KAZN: variants seen among roughly 807,000 people sequenced by gnomAD.
KAZN encodes the protein kazrin, periplakin interacting protein.
Under a neutral mutation model 87.4 loss-of-function variants are expected in KAZN, and 40 were observed. That is an observed-to-expected ratio of 0.46 (90% CI 0.36 to 0.60). KAZN has a LOEUF of 0.60. Ranked by LOEUF, KAZN falls within the 20% of genes least tolerant of loss-of-function variation. The pLI, the probability that KAZN is intolerant of heterozygous loss-of-function variation, is 0.00. For missense variants in KAZN, 898 were observed against 1,073.9 expected, an observed-to-expected ratio of 0.84 and a Z score of 2.29; for synonymous variants, 466 against 458.3, an observed-to-expected ratio of 1.02 and a Z score of -0.22.
At chr1:14,958,107 G>T (rs1374075360) in intron 1 of KAZN, among the ~76,000 whole-genome samples, 4 of 152,200 alleles carry the variant, frequency 2.6e-5, no homozygotes, top group Non-Finnish European at 5.9e-5. Context: ...CCCTCTGCCT[G>T]CTCCCTCCCC....
At chr1:14,324,141 C>T (rs1656241250) in intron 2 of KAZN, among the ~76,000 whole-genome samples, 1 of 152,142 alleles carries the variant, frequency 6.6e-6, no homozygotes, top group African/African-American at 2.4e-5. Flanking sequence ...CCCACTGTAA[C>T]CACAGGTGAC....
intron 1 of KAZN, among the ~76,000 whole-genome samples, chr1:13,931,014 A>G (rs1640490508): frequency 6.6e-6 from 1 of 152,132 alleles, no homozygotes; most frequent in Non-Finnish European, 1.5e-5. Context: ...AGTCTGTCTT[A>G]TGTGTCTGGA....
chr1:14,389,072 T>C (rs930929370), intron 2 of KAZN, among the ~76,000 whole-genome samples: 1 of 152,120 alleles, frequency 6.6e-6, no homozygotes, highest in Admixed American at 6.5e-5. Context: ...AAAGAAGACA[T>C]ACAAATGGCA....
chr1:14,777,166 T>G (rs55844168), intron 1 of KAZN, among the ~76,000 whole-genome samples: 95,664 of 149,518 alleles, frequency 0.64, 30,992 homozygotes, highest in South Asian at 0.79. Flanking sequence ...TTTTTTTTTT[T>G]TTTGTATTTT....
chr1:14,577,854 G>A (rs1190742373), intron 2 of KAZN, among the ~76,000 whole-genome samples: 3 of 152,132 alleles, frequency 2.0e-5, no homozygotes, highest in Non-Finnish European at 4.4e-5. Flanking sequence ...CCATTTCACA[G>A]ATGAGAAAAT....
At chr1:14,577,374 T>A (rs1373670403) in intron 2 of KAZN, among the ~76,000 whole-genome samples, 1 of 152,208 alleles carries the variant, frequency 6.6e-6, no homozygotes, top group Admixed American at 6.5e-5. Context: ...AAGCCAATAG[T>A]GGCTTTAATA....
At chr1:14,627,450 G>A (rs993882927) in intron 1 of KAZN, among the ~76,000 whole-genome samples, 6 of 152,108 alleles carry the variant, frequency 3.9e-5, no homozygotes, top group East Asian at 1.9e-4. Context: ...TGGGAGGCCC[G>A]AGGAGGCATG....
intron 1 of KAZN, among the ~76,000 whole-genome samples, chr1:13,940,550 CAT>C (rs1214467005): frequency 2.0e-5 from 3 of 151,970 alleles, no homozygotes; most frequent in Non-Finnish European, 4.4e-5. Flanking sequence ...TTTCTGATGA[CAT>C]ATACATATCA....
intron 2 of KAZN, among the ~76,000 whole-genome samples, chr1:14,267,172 A>C (rs1651546793): frequency 6.6e-6 from 1 of 151,880 alleles, no homozygotes; most frequent in South Asian, 2.1e-4. Context: ...AATATAACTA[A>C]AAATAATACA....
intron 2 of KAZN, among the ~76,000 whole-genome samples, chr1:14,218,876 C>T: frequency 7.1e-6 from 1 of 141,246 alleles, no homozygotes; most frequent in East Asian, 2.1e-4. Flanking sequence ...TTTTGCAACT[C>T]AGATAAATTA....
At chr1:14,755,000 G>A (rs150554777) in intron 1 of KAZN, among the ~76,000 whole-genome samples, 1,549 of 151,784 alleles carry the variant, frequency 0.01, 25 homozygotes, top group African/African-American at 0.035. Context: ...CCAGCACTGT[G>A]AGCGGCCAAG....
rs185435066 is a variant in KAZN at position 14,642,419 on chromosome 1, A to G, written c.226+43196A>G. On this transcript the variant is annotated intron_variant, in intron 1 of 14. Transcript: ENST00000376030. ...CATCTCAAAAAATAAATAAATAAAT[A>G]AATAACCATAGTGAGATACCAACAC... 2.6e-3 allele frequency among the ~76,000 whole-genome samples: 394 copies of G among 152,214 alleles called. 1 individual carries two copies. The highest frequency in any genetic ancestry group is 3.3e-3 in the Non-Finnish European group (226 of 68,004).
At chr1:14,824,608 A>G (rs1271153718) in intron 1 of KAZN, among the ~76,000 whole-genome samples, 1 of 152,170 alleles carries the variant, frequency 6.6e-6, no homozygotes, top group Non-Finnish European at 1.5e-5. Flanking sequence ...GGGTTAAGTA[A>G]AAAAAGATAT....
At chr1:15,034,657 A>T in intron 2 of KAZN, 92 bp from the exon 3 acceptor site, 1 of 1,469,344 alleles carries the variant, frequency 6.8e-7, no homozygotes, top group Non-Finnish European at 9.3e-7. Context: ...CACCTGTTAC[A>T]AAGGTGACGG....
At chr1:14,318,376 A>T (rs1655802545) in intron 2 of KAZN, among the ~76,000 whole-genome samples, 1 of 151,708 alleles carries the variant, frequency 6.6e-6, no homozygotes, top group South Asian at 2.1e-4. Flanking sequence ...ATATTACTTC[A>T]TTTTCTTCTA....
intron 1 of KAZN, among the ~76,000 whole-genome samples, chr1:14,135,072 G>A (rs1035150765): frequency 1.3e-5 from 2 of 151,842 alleles, no homozygotes; most frequent in African/African-American, 4.8e-5. Flanking sequence ...AGTAATTGCA[G>A]TTTTTGTTAT....
chr1:14,526,273 C>A (rs1015667202), intron 2 of KAZN, among the ~76,000 whole-genome samples: 2 of 152,168 alleles, frequency 1.3e-5, no homozygotes, highest in Non-Finnish European at 2.9e-5. Flanking sequence ...CCAATCATTT[C>A]CCATTTGCTC....
chr1:14,936,503 T>C (rs1302376874), intron 1 of KAZN, among the ~76,000 whole-genome samples: 1 of 152,134 alleles, frequency 6.6e-6, no homozygotes, highest in African/African-American at 2.4e-5. Context: ...GATCACTGGG[T>C]GCCCTGCTCC....
intron 2 of KAZN, among the ~76,000 whole-genome samples, chr1:14,419,119 C>T (rs1161521201): frequency 6.6e-6 from 1 of 152,164 alleles, no homozygotes; most frequent in Non-Finnish European, 1.5e-5. Context: ...CTTGGTAGCA[C>T]CCCATCTTTA....
Sources: allele counts gnomAD v4.1 joint callset (sites outside exome capture counted in the v4.1 genomes callset), GRCh38; gene constraint gnomAD v4.1.1; transcripts MANE v1.5; gene names NCBI Gene and HGNC (gene_info 2026-07-23, HGNC 2026-07-21).